The following ADAD1 variants were observed in gnomAD, a reference collection of about 807,000 sequenced individuals.
The protein encoded by ADAD1 is adenosine deaminase domain-containing protein 1.
Under a neutral mutation model 66.8 loss-of-function variants are expected in ADAD1, and 46 were observed. The ratio of observed to expected loss-of-function variants is 0.69; its 90% CI spans 0.54 to 0.88. The LOEUF (loss-of-function observed/expected upper bound fraction) is 0.88. ADAD1 is among the 40% of genes least tolerant of loss of function. The pLI is 0.00. For synonymous variants in ADAD1, 248 were observed against 229.4 expected (o/e 1.08, Z -0.73); for missense variants, 617 against 681.8 (o/e 0.91, Z 1.06).
intron 12 of ADAD1, among the ~76,000 whole-genome samples, chr4:122,429,071 G>T (rs1240595519): frequency 6.6e-6 from 1 of 151,000 alleles, no homozygotes; most frequent in Admixed American, 6.6e-5. Flanking sequence ...TTTATATTTT[G>T]TCTGTTTTTC....
At chr4:122,419,146 G>C (rs966201977) in intron 11 of ADAD1, among the ~76,000 whole-genome samples, 28 of 152,084 alleles carry the variant, frequency 1.8e-4, no homozygotes, top group African/African-American at 6.5e-4. Context: ...CATCAATGAT[G>C]GACTGGATAA....
At chr4:122,387,009 G>T (rs538978295) in intron 5 of ADAD1, among the ~76,000 whole-genome samples, 122 of 152,202 alleles carry the variant, frequency 8.0e-4, no homozygotes, top group African/African-American at 2.8e-3. Flanking sequence ...GGATTGTCTT[G>T]GCTATATGGG....
At chr4:122,407,103 C>T (rs1440475382) in intron 7 of ADAD1, among the ~76,000 whole-genome samples, 1 of 151,930 alleles carries the variant, frequency 6.6e-6, no homozygotes, top group East Asian at 1.9e-4. Flanking sequence ...ACAAGAACTG[C>T]AGTTACATTT....
At position 122,407,999 on chromosome 4, in the gene ADAD1, T is replaced by C. The variant is rs766397786; in HGVS notation, c.816T>C (p.His272=). 3.7e-6 allele frequency: 6 copies of C among 1,613,660 alleles called. No homozygotes were observed. In the Admixed American group the frequency reaches 5.0e-5, roughly 13 times the overall value. The change falls in exon 8 of 13, where the codon CAT becomes CAC. Residue 272 remains histidine (H), a synonymous_variant. Coordinates refer to ENST00000296513, the MANE Select transcript of ADAD1 (RefSeq NM_139243.4). The stretch of plus-strand genomic sequence containing the variant: ...ATGGAAGAGTATTGCATGACACTCA[T>C]GCTGTTGTTACAGCAAGAAGGTCTC... The part of the protein sequence containing the change: ...KPDGRVLHDT[H]AVVTARRSLL...
At chr4:122,414,569 GA>G (rs1796640717) in intron 10 of ADAD1, among the ~76,000 whole-genome samples, 1 of 152,022 alleles carries the variant, frequency 6.6e-6, no homozygotes, top group African/African-American at 2.4e-5. Flanking sequence ...CTAGTGCCCA[GA>G]TAGTCATAAT....
rs79507868 is a variant in ADAD1 at position 122,379,603 on chromosome 4, G to T, written c.-9+158G>T. 468 of 155,178 alleles carry T rather than the reference G, an allele frequency of 3.0e-3. 1 individual carries two copies. The highest frequency in any genetic ancestry group is 4.9e-3 in the Non-Finnish European group (343 of 69,990). The allele number at this position is 155,178 out of a possible 1,614,324, so 9.6% of individuals were successfully genotyped here. Reference sequence around the variant, plus strand: ...GCTGGGAGGTGGGAGCAACGGCGGCGGCGGCCGCCTGCGAGCCCCCGGCCT... The same window carrying T: ...GCTGGGAGGTGGGAGCAACGGCGGCTGCGGCCGCCTGCGAGCCCCCGGCCT... On this transcript the variant is annotated intron_variant, in intron 2 of 12. Transcript: ENST00000296513.
intron 10 of ADAD1, among the ~76,000 whole-genome samples, chr4:122,413,192 C>T (rs75950875): frequency 3.7e-4 from 57 of 152,242 alleles, no homozygotes; most frequent in Non-Finnish European, 1.8e-4. Context: ...TCAAAGCACT[C>T]AGCATGCTGA....
chr4:122,389,392 G>C (rs1795330527), intron 5 of ADAD1, among the ~76,000 whole-genome samples: 1 of 152,182 alleles, frequency 6.6e-6, no homozygotes, highest in African/African-American at 2.4e-5. Context: ...ATCCAGAGCT[G>C]AGTTCAAATC....
chr4:122,398,134 C>T (rs1795800427), intron 7 of ADAD1, among the ~76,000 whole-genome samples: 1 of 151,960 alleles, frequency 6.6e-6, no homozygotes, highest in Non-Finnish European at 1.5e-5. Context: ...TCTTTTATCC[C>T]TCATCCCCCC....
At chr4:122,405,522 A>G (rs922097307) in intron 7 of ADAD1, among the ~76,000 whole-genome samples, 1 of 152,186 alleles carries the variant, frequency 6.6e-6, no homozygotes, top group Non-Finnish European at 1.5e-5. Context: ...TTGACTTTCT[A>G]GAAACATTTA....
At chr4:122,383,569 C>G (rs1232402669) in intron 4 of ADAD1, among the ~76,000 whole-genome samples, 1 of 152,168 alleles carries the variant, frequency 6.6e-6, no homozygotes, top group Non-Finnish European at 1.5e-5. Flanking sequence ...GGCCCTATTG[C>G]TCACACTGAA....
chr4:122,379,822 G>T, intron 2 of ADAD1: 1 of 412,852 alleles, frequency 2.4e-6, no homozygotes, highest in Non-Finnish European at 4.3e-6. Flanking sequence ...ACCTCTCTCT[G>T]TTCCTTCTTT....
intron 7 of ADAD1, among the ~76,000 whole-genome samples, chr4:122,401,832 TC>T: frequency 6.6e-6 from 1 of 152,280 alleles, no homozygotes; most frequent in African/African-American, 2.4e-5. Context: ...GCTTTTGGTT[TC>T]CATTTGCATG....
At chr4:122,398,582 C>T (rs575101553) in intron 7 of ADAD1, among the ~76,000 whole-genome samples, 10 of 152,214 alleles carry the variant, frequency 6.6e-5, no homozygotes, top group Middle Eastern at 3.4e-3. Context: ...TACTAGTTTA[C>T]ATTCCCACCA....
At chr4:122,397,730 T>C (rs1418426545) in intron 7 of ADAD1, among the ~76,000 whole-genome samples, 1 of 152,174 alleles carries the variant, frequency 6.6e-6, no homozygotes, top group African/African-American at 2.4e-5. Context: ...CAATAAATGA[T>C]AGATGAAGTG....
intron 5 of ADAD1, among the ~76,000 whole-genome samples, chr4:122,388,864 T>C (rs1434381988): frequency 6.6e-6 from 1 of 152,200 alleles, no homozygotes; most frequent in African/African-American, 2.4e-5. Flanking sequence ...TGTCTCTGTC[T>C]CCTTCAGTTC....
rs1297890552 is a variant in ADAD1, at chr4:122,408,020, G to A, written c.837G>A (p.Arg279=). 4 of 1,612,678 alleles carry A rather than the reference G, an allele frequency of 2.5e-6. No homozygotes were observed. Among genetic ancestry groups the A allele is most frequent in the African/African-American group, 1.3e-5 (1 of 74,858 alleles). Residue 279 remains arginine, a synonymous_variant, in exon 8 of 13, where the codon AGG becomes AGA. Transcript: ENST00000296513. ...CTCATGCTGTTGTTACAGCAAGAAG[G>A]TCTCTTCTTAGGTAAGACAATACAT... ...HDTHAVVTAR[R]SLLRYFYRQL...
intron 5 of ADAD1, among the ~76,000 whole-genome samples, chr4:122,390,966 C>T (rs1482676247): frequency 6.6e-6 from 1 of 152,126 alleles, no homozygotes; most frequent in Non-Finnish European, 1.5e-5. Context: ...AGTATTTTTT[C>T]ATTGATTCTT....
At chr4:122,405,389 T>C (rs745629195) in intron 7 of ADAD1, among the ~76,000 whole-genome samples, 7 of 152,218 alleles carry the variant, frequency 4.6e-5, no homozygotes, top group Non-Finnish European at 1.0e-4. Context: ...TGACAGCCAC[T>C]GTGTCTACTC....
Sources: gnomAD v4.1 joint callset for allele counts (sites outside exome capture counted in the v4.1 genomes callset) on GRCh38, gnomAD v4.1.1 for gene constraint, MANE v1.5 for transcripts, NCBI Gene and HGNC (gene_info 2026-07-23, HGNC 2026-07-21) for gene names.